Variants in SDR42E1 observed in about 807,000 individuals in gnomAD.
SDR42E1 encodes short-chain dehydrogenase/reductase family 42E member 1.
Under a neutral mutation model 2.6 loss-of-function variants are expected in SDR42E1, and 5 were observed. The ratio of observed to expected loss-of-function variants is 1.94; its 90% CI spans 1.01 to 4.08. The LOEUF is 4.08. Ranked by LOEUF, SDR42E1 falls within the 30% of genes most tolerant of loss-of-function variation. The pLI is 0.00. For synonymous variants in SDR42E1, 231 were observed against 188.3 expected (o/e 1.23, Z -1.86); for missense variants, 596 against 478.6 (o/e 1.25, Z -2.29).
In SDR42E1 at chr16:81,999,413, T is replaced by A. The variant is rs1912653962; in HGVS notation, c.880A>T (p.Thr294Ser). 4 of 1,613,996 alleles carry A rather than the reference T, an allele frequency of 2.5e-6. No individual in the cohort carries two copies. The highest frequency in any genetic ancestry group is 2.7e-5 in the African/African-American group (2 of 74,890). Residue 294 changes from threonine (T) to serine (S), a missense_variant, in exon 3 of 3, where the codon ACA (threonine) becomes TCA (serine). Physicochemically the swap from Thr to Ser is moderately conservative, Grantham distance 58 (BLOSUM62 1). Coordinates refer to ENST00000328945, the MANE Select transcript of SDR42E1 (RefSeq NM_145168.3). ...LTLVYCFAFL[T>S]EMVHFILGRL... ...CCCAAAATGAAGTGAACCATCTCTG[T>A]TAGAAAAGCAAAGCAGTAGACCAAG...
chr16:82,003,789 T>C (rs1354800826), intron 1 of SDR42E1, among the ~76,000 whole-genome samples: 1 of 152,256 alleles, frequency 6.6e-6, no homozygotes, highest in Non-Finnish European at 1.5e-5. Flanking sequence ...CCACAGAATG[T>C]TAAGTTCTAT....
chr16:81,999,518 G>A lies in SDR42E1; in HGVS notation c.775C>T (p.Pro259Ser). 1 of 1,614,184 alleles carries A rather than the reference G, an allele frequency of 6.2e-7. No homozygotes were observed. The highest frequency in any genetic ancestry group is 8.5e-7 in the Non-Finnish European group (1 of 1,180,032). Residue 259 changes from proline (P) to serine (S), a missense_variant, in exon 3 of 3, where the codon CCC becomes TCC. Transcript: ENST00000328945. ...GQPYFISDGR[P>S]VNNFEFFRPL... ...CGGAAGAACTCAAAGTTGTTCACGGGTCTGCCATCTGAGATGAAGTAGGGC... is the reference window on the plus strand; with the variant it reads ...CGGAAGAACTCAAAGTTGTTCACGGATCTGCCATCTGAGATGAAGTAGGGC...
chr16:81,992,765 T>C lies in SDR42E1; in HGVS notation c.*6346A>G, dbSNP rs1488487737. ...TACATGCAATTTCTTTGTAGTGAAC[T>C]AGATTTGGCCTCGGTCATAATTACT... On this transcript the variant is annotated 3_prime_UTR_variant, in exon 3 of 3. Transcript: ENST00000328945. The C allele has an allele frequency of 6.6e-6, 1 of 152,090 alleles. No homozygotes were observed. Among genetic ancestry groups the C allele is most frequent in the Non-Finnish European group, 1.5e-5 (1 of 68,036 alleles). 9.4% of individuals were successfully genotyped at this position (152,090 alleles called of 1,614,324 possible).
Position 81,999,004 on chromosome 16 carries a change from T to A in SDR42E1, c.*107A>T. 4.2e-6 allele frequency: 5 copies of A among 1,198,874 alleles called. No individual in the cohort carries two copies. Among genetic ancestry groups the A allele is most frequent in the Non-Finnish European group, 5.8e-6 (5 of 865,332 alleles). 74.3% of individuals were successfully genotyped at this position (1,198,874 alleles called of 1,614,324 possible). A position where few individuals can be genotyped will look rare whatever the true frequency, so the allele number is the denominator to read the frequency against. ...CAAGAACCTATTCTTAAGTAGCAAT[T>A]TGAAGAGCCAATGTTTGGCACCAGA... On this transcript the variant is annotated 3_prime_UTR_variant, in exon 3 of 3. Coordinates refer to ENST00000328945, the MANE Select transcript of SDR42E1 (RefSeq NM_145168.3).
In SDR42E1 at chr16:81,994,994, T is replaced by C. The variant is rs1912508846; in HGVS notation, c.*4117A>G. ...CTCCACTAACTGTTACTGCTTGTAA[T>C]GTGGCACTGTCTGCCCCTGTCACCA... On this transcript the variant is annotated 3_prime_UTR_variant, in exon 3 of 3. Transcript: ENST00000328945. 1 of 152,246 alleles carries C rather than the reference T, an allele frequency of 6.6e-6. No individual in the cohort carries two copies. Among genetic ancestry groups the C allele is most frequent in the African/African-American group, 2.4e-5 (1 of 41,458 alleles). The allele number at this position is 152,246 out of a possible 1,614,324, so 9.4% of individuals were successfully genotyped here.
In SDR42E1 at chr16:81,999,750, G is replaced by A. The variant is rs372999295; in HGVS notation, c.543C>T (p.Cys181=). The change falls in exon 3 of 3, where the codon TGC becomes TGT. Residue 181 remains cysteine (C), a synonymous_variant. Transcript: ENST00000328945. ...LDRGDGVLRT[C]ALRPAGIYGP... is the part of the protein sequence containing the mutation. ...CATAGATGCCAGCTGGCCTCAGAGC[G>A]CAGGTTCTTAAGACACCGTCGCCTC... 2.5e-6 allele frequency: 4 copies of A among 1,614,074 alleles called. No homozygotes were observed. Among genetic ancestry groups the A allele is most frequent in the Non-Finnish European group, 3.4e-6 (4 of 1,180,038 alleles).
rs1597172260 is a variant in SDR42E1, at chr16:81,993,922, G to T, written c.*5189C>A. ...AAAGGAAATCAATCTCATTTTTTAA[G>T]AAAAACTCCAGCAAATGTTAAATTA... On this transcript the variant is annotated 3_prime_UTR_variant, in exon 3 of 3. Coordinates refer to ENST00000328945, the MANE Select transcript of SDR42E1 (RefSeq NM_145168.3). 1 of 152,200 alleles carries T rather than the reference G, an allele frequency of 6.6e-6. No individual in the cohort carries two copies. The highest frequency in any genetic ancestry group is 2.4e-5 in the African/African-American group (1 of 41,528). 9.4% of individuals were successfully genotyped at this position (152,200 alleles called of 1,614,324 possible).
At chr16:82,001,233 A>G (rs1338226595) in intron 1 of SDR42E1, among the ~76,000 whole-genome samples, 1 of 152,180 alleles carries the variant, frequency 6.6e-6, no homozygotes, top group Admixed American at 6.5e-5. Flanking sequence ...TTTGAAAATA[A>G]TTGATTCAAA....
At chr16:82,003,919 C>A (rs546830822) in intron 1 of SDR42E1, among the ~76,000 whole-genome samples, 55 of 152,284 alleles carry the variant, frequency 3.6e-4, no homozygotes, top group South Asian at 2.5e-3. Flanking sequence ...ATATCCAATT[C>A]AGTAAAATTG....
In SDR42E1 at chr16:81,999,127, A is replaced by G. The variant is rs747875441; in HGVS notation, c.1166T>C (p.Val389Ala). 1 of 1,613,502 alleles carries G rather than the reference A, an allele frequency of 6.2e-7. No individual in the cohort carries two copies. Among genetic ancestry groups the G allele is most frequent in the African/African-American group, 1.3e-5 (1 of 74,890 alleles). Residue 389 changes from valine (V) to alanine (A), a missense_variant, in exon 3 of 3, where the codon GTG (valine) becomes GCG (alanine). Physicochemically the swap from Val to Ala is moderately conservative, Grantham distance 64. Transcript: ENST00000328945. ...GCCCCTCCTTCACAGTGACAGAATCACAGAAGAAGGCAGCCACATGAGAAC... is the reference window on the plus strand; with the variant it reads ...GCCCCTCCTTCACAGTGACAGAATCGCAGAAGAAGGCAGCCACATGAGAAC... ...IAVLMWLPSS[V>A]ILSL
Position 81,995,067 on chromosome 16 carries a change from G to C in SDR42E1, c.*4044C>G, listed in dbSNP as rs1241181106. On this transcript the variant is annotated 3_prime_UTR_variant, in exon 3 of 3. Coordinates refer to ENST00000328945, the MANE Select transcript of SDR42E1 (RefSeq NM_145168.3). Reference sequence around the variant, plus strand: ...AGAAGTATTTCCAACAGGCTTTCCAGACCGCTCTTCCCTTTTTGCAGGTGG... The same window carrying C: ...AGAAGTATTTCCAACAGGCTTTCCACACCGCTCTTCCCTTTTTGCAGGTGG... 6.6e-6 allele frequency: 1 copy of C among 152,144 alleles called. No homozygotes were observed. Among genetic ancestry groups the C allele is most frequent in the Non-Finnish European group, 1.5e-5 (1 of 68,052 alleles). The allele number at this position is 152,144 out of a possible 1,614,324, so 9.4% of individuals were successfully genotyped here.
chr16:81,999,057 G>T lies in SDR42E1; in HGVS notation c.*54C>A. On this transcript the variant is annotated 3_prime_UTR_variant, in exon 3 of 3. Transcript: ENST00000328945. ...TCACTGTACACATTTTAAAACCCAT[G>T]TTTCTTGAGAACCATCTCAGCCAAC... 6.4e-7 allele frequency: 1 copy of T among 1,553,256 alleles called. No individual in the cohort carries two copies. Among genetic ancestry groups the T allele is most frequent in the Non-Finnish European group, 8.7e-7 (1 of 1,153,008 alleles).
intron 1 of SDR42E1, among the ~76,000 whole-genome samples, chr16:82,007,280 T>TGACCCTAGG (rs1440290212): frequency 1.3e-5 from 2 of 152,256 alleles, no homozygotes; most frequent in Non-Finnish European, 2.9e-5. Context: ...CTTCACTAGG[T>TGACCCTAGG]CAGCAGTTTG....
Position 81,998,872 on chromosome 16 carries a change from A to G in SDR42E1, c.*239T>C. 1.8e-6 allele frequency: 1 copy of G among 544,682 alleles called. No individual in the cohort carries two copies. The highest frequency in any genetic ancestry group is 3.2e-6 in the Non-Finnish European group (1 of 310,180). The allele number at this position is 544,682 out of a possible 1,614,324, so 33.7% of individuals were successfully genotyped here. A position where few individuals can be genotyped will look rare whatever the true frequency, so the allele number is the denominator to read the frequency against. ...CTCCAAACTGACTTCTATTGTACCC[A>G]CCTAAAACAGAAGCACATAACAAAT... On this transcript the variant is annotated 3_prime_UTR_variant, in exon 3 of 3. Transcript: ENST00000328945.
chr16:81,994,608 T>A lies in SDR42E1; in HGVS notation c.*4503A>T, dbSNP rs1053089935. The A allele has an allele frequency of 1.3e-5, 2 of 152,144 alleles. No individual in the cohort carries two copies. The highest frequency in any genetic ancestry group is 2.9e-5 in the Non-Finnish European group (2 of 68,032). 9.4% of individuals were successfully genotyped at this position (152,144 alleles called of 1,614,324 possible). ...GAACAGCACACAACCTGGTGTGCCA[T>A]CTCTAAGCAAGAGATGCTGGTGAAG... On this transcript the variant is annotated 3_prime_UTR_variant, in exon 3 of 3. Transcript: ENST00000328945.
At position 81,990,971 on chromosome 16, in the gene SDR42E1, C is replaced by A. The variant is rs543004160; in HGVS notation, c.*8140G>T. 6.6e-6 allele frequency: 1 copy of A among 152,272 alleles called. No individual in the cohort carries two copies. The highest frequency in any genetic ancestry group is 2.4e-5 in the African/African-American group (1 of 41,546). The allele number at this position is 152,272 out of a possible 1,614,324, so 9.4% of individuals were successfully genotyped here. A position where few individuals can be genotyped will look rare whatever the true frequency, so the allele number is the denominator to read the frequency against. On this transcript the variant is annotated 3_prime_UTR_variant, in exon 3 of 3. Coordinates refer to ENST00000328945, the MANE Select transcript of SDR42E1 (RefSeq NM_145168.3). The stretch of plus-strand genomic sequence containing the variant: ...AAAGATTTTTATTAGGTCTGTGCTC[C>A]ACGCCCAGAATAGTGTAAGACTGCA...
In SDR42E1 at chr16:81,989,668, G is replaced by A. The variant is rs946833083; in HGVS notation, c.*9443C>T. On this transcript the variant is annotated 3_prime_UTR_variant, in exon 3 of 3. Coordinates refer to ENST00000328945, the MANE Select transcript of SDR42E1 (RefSeq NM_145168.3). Reference sequence around the variant, plus strand: ...AATTGACTCTGCAATCTCAAGAAAAGAAAAACTCATTTTCAGTTTAGAGCT... The same window carrying A: ...AATTGACTCTGCAATCTCAAGAAAAAAAAAACTCATTTTCAGTTTAGAGCT... The A allele has an allele frequency of 6.6e-6, 1 of 152,154 alleles. No individual in the cohort carries two copies. The highest frequency in any genetic ancestry group is 2.4e-5 in the African/African-American group (1 of 41,438). The allele number at this position is 152,154 out of a possible 1,614,324, so 9.4% of individuals were successfully genotyped here.
intron 1 of SDR42E1, among the ~76,000 whole-genome samples, chr16:82,006,470 T>G (rs1912938394): frequency 6.6e-6 from 1 of 152,220 alleles, no homozygotes; most frequent in South Asian, 2.1e-4. Context: ...AGAAGAATTC[T>G]GATACAGATA....
rs199542016 is a variant in SDR42E1 at position 82,000,826 on chromosome 16, G to A, written c.33C>T (p.Val11=). The part of the protein sequence containing the change: MDPKRSQKES[V]LITGGSGYFG... Reference sequence around the variant, plus strand: ...AATAGCCACTTCCTCCTGTAATGAGGACACTTTCCTTTTGAGATCTTTTGG... The same window carrying A: ...AATAGCCACTTCCTCCTGTAATGAGAACACTTTCCTTTTGAGATCTTTTGG... Residue 11 remains valine, a synonymous_variant, in exon 2 of 3, where the codon GTC becomes GTT. Coordinates refer to ENST00000328945, the MANE Select transcript of SDR42E1 (RefSeq NM_145168.3). The A allele has an allele frequency of 9.1e-4, 1,463 of 1,613,856 alleles. 1 individual carries two copies. Among genetic ancestry groups the A allele is most frequent in the Non-Finnish European group, 1.1e-3 (1,309 of 1,179,904 alleles).
Sources: allele counts gnomAD v4.1 joint callset (sites outside exome capture counted in the v4.1 genomes callset), GRCh38; gene constraint gnomAD v4.1.1; transcripts MANE v1.5; gene names NCBI Gene and HGNC (gene_info 2026-07-23, HGNC 2026-07-21).